Variants in SYAP1 observed in about 807,000 individuals in gnomAD.
The protein encoded by SYAP1 is synapse-associated protein 1.
SYAP1 carries 3 observed loss-of-function variants against 29.6 expected under a neutral mutation model. The ratio of observed to expected loss-of-function variants is 0.10; its 90% CI spans 0.05 to 0.26. The LOEUF (loss-of-function observed/expected upper bound fraction) is 0.26, where lower values mean the gene tolerates loss of function less well. Ranked by LOEUF, SYAP1 falls within the 10% of genes least tolerant of loss-of-function variation. The probability of loss-of-function intolerance (pLI) is 1.00; values close to 1 mark genes in which losing one functional copy is unlikely to be tolerated. For synonymous variants in SYAP1, 102 were observed against 102.7 expected (o/e 0.99, Z 0.04); for missense variants, 217 against 264.1 (o/e 0.82, Z 1.24).
At chrX:16,722,146 G>A (rs751965071) in intron 1 of SYAP1, among the ~76,000 whole-genome samples, 61 of 112,104 alleles carry the variant, frequency 5.4e-4, no homozygotes, top group Non-Finnish European at 9.0e-4. Flanking sequence ...TTGTCTTTAA[G>A]AAGACCCATT....
At chrX:16,752,639 C>CA (rs1338072169) in intron 5 of SYAP1, among the ~76,000 whole-genome samples, 2 of 109,811 alleles carry the variant, frequency 1.8e-5, no homozygotes, top group African/African-American at 6.6e-5. Context: ...TCCTTTTTAG[C>CA]AAAAAAGCCC....
chrX:16,747,973 C>G (rs1183105317), intron 5 of SYAP1, among the ~76,000 whole-genome samples: 1 of 110,637 alleles, frequency 9.0e-6, no homozygotes, highest in East Asian at 2.8e-4. Context: ...ATCCCAGCTA[C>G]TCGGGAAGCT....
chrX:16,734,996 C>CAAAAAAAAA (rs1213395857), intron 1 of SYAP1, among the ~76,000 whole-genome samples: 2 of 9,910 alleles, frequency 2.0e-4, no homozygotes, highest in African/African-American at 7.1e-4. Flanking sequence ...GAGACTGTCT[C>CAAAAAAAAA]AAAAAAAAAA....
Position 16,757,318 on chromosome X carries a change from C to T in SYAP1, c.931+9C>T. On this transcript the variant is annotated intron_variant, in intron 8 of 8. Transcript: ENST00000380155. ...GACAGCCGTACTGGAAGGTAAAAAA[C>T]AAAACAAATCAAAGCAAAGAAACTA... 2 of 1,190,404 alleles carry T rather than the reference C, an allele frequency of 1.7e-6. No individual in the cohort carries two copies. The highest frequency in any genetic ancestry group is 2.3e-6 in the Non-Finnish European group (2 of 885,560).
At chrX:16,739,581 A>G (rs112760083) in intron 3 of SYAP1, among the ~76,000 whole-genome samples, 5,881 of 105,565 alleles carry the variant, frequency 0.056, 394 homozygotes, top group African/African-American at 0.2. Flanking sequence ...GGTTCAAGCA[A>G]TTCTCCTGTT....
At chrX:16,731,269 A>C (rs1926198861) in intron 1 of SYAP1, among the ~76,000 whole-genome samples, 1 of 112,095 alleles carries the variant, frequency 8.9e-6, no homozygotes, top group Non-Finnish European at 1.9e-5. Flanking sequence ...CAAAATTATG[A>C]CATTTGTTAT....
chrX:16,741,861 T>C, intron 4 of SYAP1, 72 bp downstream of exon 4: 1 of 732,572 alleles, frequency 1.4e-6, no homozygotes, highest in Non-Finnish European at 2.0e-6. Flanking sequence ...GATGTGACTT[T>C]AGTAGAATTT....
intron 1 of SYAP1, among the ~76,000 whole-genome samples, chrX:16,726,825 G>A (rs182218926): frequency 1.6e-4 from 18 of 111,472 alleles, no homozygotes; most frequent in Admixed American, 4.8e-4. Flanking sequence ...AGCACCTGCT[G>A]AAACATAATA....
At chrX:16,723,392 T>C (rs897610066) in intron 1 of SYAP1, among the ~76,000 whole-genome samples, 6 of 112,112 alleles carry the variant, frequency 5.4e-5, no homozygotes, top group Non-Finnish European at 1.9e-5. Context: ...TTAGGGACAT[T>C]GCAGAAAATC....
intron 5 of SYAP1, among the ~76,000 whole-genome samples, chrX:16,752,064 C>T (rs1024093133): frequency 9.7e-6 from 1 of 103,524 alleles, no homozygotes; most frequent in Non-Finnish European, 2.0e-5. Context: ...ACCGCAGCCT[C>T]CACATGCTGG....
chrX:16,727,515 G>A (rs764811684), intron 1 of SYAP1, among the ~76,000 whole-genome samples: 199 of 111,106 alleles, frequency 1.8e-3, no homozygotes, highest in African/African-American at 6.1e-3. Context: ...AGCTAATTTC[G>A]TATTTTTAGT....
chrX:16,741,824 T>C (rs929113493), intron 4 of SYAP1, 35 bp downstream of exon 4: 6 of 978,590 alleles, frequency 6.1e-6, no homozygotes, highest in Non-Finnish European at 8.7e-6. Context: ...TAGAACATAC[T>C]TTCTTCTGTC....
intron 2 of SYAP1, 126 bp from the exon 3 acceptor site, chrX:16,736,040 T>G: frequency 2.1e-6 from 1 of 469,872 alleles, no homozygotes; most frequent in Non-Finnish European, 3.8e-6. Context: ...CTCTAAGGAG[T>G]GAGTTTGTTT....
chrX:16,756,498 A>G (rs1460679623), intron 6 of SYAP1, among the ~76,000 whole-genome samples, 165 bp from the exon 7 acceptor site: 3 of 112,127 alleles, frequency 2.7e-5, no homozygotes, highest in Non-Finnish European at 5.6e-5. Context: ...AGATGGTTTC[A>G]CCATGGCTGT....
intron 8 of SYAP1, among the ~76,000 whole-genome samples, chrX:16,758,352 C>CT (rs758985802): frequency 0.021 from 2,127 of 102,093 alleles, 31 homozygotes; most frequent in Non-Finnish European, 0.033. Context: ...GCCCAACAGT[C>CT]TTTTTTTTTT....
chrX:16,743,869 C>T, intron 5 of SYAP1, 29 bp downstream of exon 5: 1 of 1,195,598 alleles, frequency 8.4e-7, no homozygotes, highest in Non-Finnish European at 1.1e-6. Flanking sequence ...AGCGTTTCCT[C>T]ATGGCCTCCA....
intron 1 of SYAP1, among the ~76,000 whole-genome samples, chrX:16,729,500 T>A (rs1926160065): frequency 9.2e-6 from 1 of 109,037 alleles, no homozygotes; most frequent in African/African-American, 3.3e-5. Context: ...TTTTTTTTTT[T>A]TTAGAGACAG....
Position 16,735,268 on chromosome X carries a change from A to G in SYAP1, c.217A>G (p.Thr73Ala). 8.3e-7 allele frequency: 1 copy of G among 1,201,732 alleles called. No individual in the cohort carries two copies. The highest frequency in any genetic ancestry group is 1.7e-5 in the African/African-American group (1 of 57,432). The change falls in exon 2 of 9, where the codon ACT (threonine) becomes GCT (alanine). Residue 73 changes from threonine to alanine, a missense_variant. By Grantham distance (58) the Thr-to-Ala change is moderately conservative (BLOSUM62 0). Transcript: ENST00000380155. The stretch of plus-strand genomic sequence containing the variant: ...TGCATCTGCTGCCACAAAAAAGATA[A>G]CTGAATCAGTTGCTGAAACAGCACA... ...NFASAATKKI[T>A]ESVAETAQTI...
In SYAP1 at chrX:16,741,725, T is replaced by C. The variant is rs1926464122; in HGVS notation, c.371T>C (p.Val124Ala). Residue 124 changes from valine to alanine, a missense_variant, in exon 4 of 9, where the codon GTG becomes GCG. Physicochemically the swap from Val to Ala is moderately conservative, Grantham distance 64 (BLOSUM62 0). Coordinates refer to ENST00000380155, the MANE Select transcript of SYAP1 (RefSeq NM_032796.4). The part of the protein sequence containing the change: ...EQHTKKSEAA[V>A]PPWVDTNDEE... ...ATTAAAAACTGTATAGAAGCAGCTG[T>C]GCCCCCATGGGTTGACACTAACGAT... 2 of 1,201,992 alleles carry C rather than the reference T, an allele frequency of 1.7e-6. No homozygotes were observed. The highest frequency in any genetic ancestry group is 3.5e-5 in the African/African-American group (2 of 57,445).
Sources: gnomAD v4.1 joint callset for allele counts (sites outside exome capture counted in the v4.1 genomes callset) on GRCh38, gnomAD v4.1.1 for gene constraint, MANE v1.5 for transcripts, NCBI Gene and HGNC (gene_info 2026-07-23, HGNC 2026-07-21) for gene names.